Variants in LCORL observed in about 807,000 individuals in gnomAD.
LCORL encodes the protein ligand dependent nuclear receptor corepressor like.
Under a neutral mutation model 141.8 loss-of-function variants are expected in LCORL, and 41 were observed. That is an observed-to-expected ratio of 0.29 (90% CI 0.23 to 0.38). The LOEUF (loss-of-function observed/expected upper bound fraction) is 0.38. LCORL is among the 10% of genes least tolerant of loss of function. LCORL has a pLI of 1.00. For missense variants in LCORL, 1,759 were observed against 2,035.0 expected, an observed-to-expected ratio of 0.86 and a Z score of 2.61; for synonymous variants, 618 against 694.1, an observed-to-expected ratio of 0.89 and a Z score of 1.72.
chr4:17,998,956 C>A (rs1414005947), intron 1 of LCORL, among the ~76,000 whole-genome samples: 2 of 91,926 alleles, frequency 2.2e-5, no homozygotes, highest in African/African-American at 9.3e-5. Context: ...CAGAGTGAGA[C>A]CCTGTCTCAA....
chr4:17,981,178 G>A (rs1035792107), intron 1 of LCORL, among the ~76,000 whole-genome samples: 5 of 151,956 alleles, frequency 3.3e-5, no homozygotes, highest in African/African-American at 1.2e-4. Context: ...TTTCATAAAC[G>A]GCTTATCCTG....
chr4:18,021,549 A>C lies in LCORL; in HGVS notation c.154+49T>G. The C allele has an allele frequency of 1.3e-6, 2 of 1,481,594 alleles. No individual in the cohort carries two copies. Among genetic ancestry groups the C allele is most frequent in the East Asian group, 2.8e-5 (1 of 35,906 alleles). The allele number at this position is 1,481,594 out of a possible 1,614,324, so 91.8% of individuals were successfully genotyped here. ...TCAGCCACAAACTCCTCGGGCTGCG[A>C]CAGCGGTCGCCGCGCGGAGCCCGGG... On this transcript the variant is annotated intron_variant, in intron 1 of 7. Coordinates refer to ENST00000635767, the Ensembl canonical transcript of LCORL. The surrounding 1 kb of genome is among the most constrained non-coding windows in gnomAD (Gnocchi z 5.5).
chr4:17,934,170 T>C (rs1736480253), intron 4 of LCORL, among the ~76,000 whole-genome samples: 1 of 152,026 alleles, frequency 6.6e-6, no homozygotes, highest in Non-Finnish European at 1.5e-5. Flanking sequence ...ATTTGGCAAA[T>C]CCACAAAACT....
At chr4:17,941,815 AGATTATTTGGAATGCT>A (rs1738016385) in intron 4 of LCORL, among the ~76,000 whole-genome samples, 1 of 151,846 alleles carries the variant, frequency 6.6e-6, no homozygotes, top group Non-Finnish European at 1.5e-5. Context: ...ATTTGACCAG[AGATTATTTGGAATGCT>A]GAATCATTTC....
chr4:17,957,599 T>A (rs528131272), intron 4 of LCORL, among the ~76,000 whole-genome samples: 22 of 151,958 alleles, frequency 1.4e-4, no homozygotes, highest in Non-Finnish European at 3.1e-4. Context: ...TTTAATTCCT[T>A]CTATGGATGG....
At chr4:17,933,339 A>G (rs1357852617) in intron 4 of LCORL, among the ~76,000 whole-genome samples, 2 of 152,062 alleles carry the variant, frequency 1.3e-5, no homozygotes, top group African/African-American at 4.8e-5. Flanking sequence ...TTGTTGTTCA[A>G]GCACTGTTCT....
intron 4 of LCORL, among the ~76,000 whole-genome samples, chr4:17,909,897 T>A (rs919678717): frequency 6.6e-6 from 1 of 152,134 alleles, no homozygotes; most frequent in Non-Finnish European, 1.5e-5. Flanking sequence ...AAATAAAAAA[T>A]GAAAGAATAG....
chr4:17,914,418 G>T lies in LCORL; in HGVS notation c.431-5073C>A, dbSNP rs57290961. Among the ~76,000 whole-genome samples, 396 of 152,256 alleles carry T rather than the reference G, an allele frequency of 2.6e-3. 3 individuals carry two copies. Among genetic ancestry groups the T allele is most frequent in the African/African-American group, 8.9e-3 (369 of 41,548 alleles). On this transcript the variant is annotated intron_variant, in intron 4 of 7. Coordinates refer to ENST00000635767, the Ensembl canonical transcript of LCORL. ...GTGACTAGGGCTATACTTTAGGATT[G>T]AATTTACAGCAAAGTTTAAAGCACA...
At chr4:17,843,279 G>A (rs747665895) in exon 8 of LCORL, 38 of 1,595,402 alleles carry the variant, frequency 2.4e-5, no homozygotes, top group African/African-American at 6.8e-5. Context: ...ATCTAAATTC[G>A]TGTATTTTCA....
intron 5 of LCORL, among the ~76,000 whole-genome samples, chr4:17,895,832 A>C (rs1199183033): frequency 2.0e-5 from 3 of 152,180 alleles, no homozygotes; most frequent in Non-Finnish European, 4.4e-5. Context: ...GCTTTTACTT[A>C]GCACAATGTT....
intron 7 of LCORL, among the ~76,000 whole-genome samples, chr4:17,867,422 G>A (rs1048230599): frequency 6.6e-6 from 1 of 152,124 alleles, no homozygotes; most frequent in Non-Finnish European, 1.5e-5. Flanking sequence ...CACAAAAATA[G>A]CAATAGGCAA....
intron 4 of LCORL, among the ~76,000 whole-genome samples, chr4:17,947,197 C>T (rs1259687569): frequency 6.6e-6 from 1 of 151,906 alleles, no homozygotes; most frequent in Non-Finnish European, 1.5e-5. Context: ...CAATGGGATA[C>T]TATTCAGCCT....
At chr4:17,917,208 GTTTTT>G (rs1273158212) in intron 4 of LCORL, among the ~76,000 whole-genome samples, 9 of 148,658 alleles carry the variant, frequency 6.1e-5, no homozygotes, top group Non-Finnish European at 1.2e-4. Flanking sequence ...GTTTTGTTTT[GTTTTT>G]TTTTGAGAAG....
At chr4:17,972,956 C>T in intron 1 of LCORL, 71 bp from the exon 2 acceptor site, 1 of 655,130 alleles carries the variant, frequency 1.5e-6, no homozygotes, top group Non-Finnish European at 2.4e-6. Flanking sequence ...AAGTCATAAA[C>T]TCTGTATCAA....
At chr4:17,953,291 TTC>T (rs1298416310) in intron 4 of LCORL, among the ~76,000 whole-genome samples, 1 of 152,198 alleles carries the variant, frequency 6.6e-6, no homozygotes, top group Non-Finnish European at 1.5e-5. Context: ...TGAATGGTAG[TTC>T]TGTTTTTAGC....
chr4:17,985,830 CTTGT>C (rs777893786), intron 1 of LCORL, among the ~76,000 whole-genome samples: 1 of 152,084 alleles, frequency 6.6e-6, no homozygotes, highest in Non-Finnish European at 1.5e-5. Context: ...ATTATGCTGG[CTTGT>C]TTGTGTGGTT....
chr4:17,901,216 C>G (rs1354925420), intron 5 of LCORL, among the ~76,000 whole-genome samples: 2 of 151,048 alleles, frequency 1.3e-5, no homozygotes, highest in Non-Finnish European at 2.9e-5. Context: ...TGCAGAATAC[C>G]ATAAACAAAA....
chr4:17,905,898 A>G (rs574496481), intron 5 of LCORL, among the ~76,000 whole-genome samples: 106 of 152,196 alleles, frequency 7.0e-4, no homozygotes, highest in Non-Finnish European at 1.2e-3. Context: ...TTCATTGACT[A>G]TACTATGAAG....
At chr4:17,895,020 T>C (rs183764944) in intron 5 of LCORL, among the ~76,000 whole-genome samples, 96 of 149,208 alleles carry the variant, frequency 6.4e-4, no homozygotes, top group Admixed American at 1.1e-3. Flanking sequence ...TATATATATA[T>C]GTTTATATAT....
Sources: allele counts gnomAD v4.1 joint callset (sites outside exome capture counted in the v4.1 genomes callset), GRCh38; gene constraint gnomAD v4.1.1; non-coding constraint Gnocchi (gnomAD v3.1); transcripts MANE v1.5; gene names NCBI Gene and HGNC (gene_info 2026-07-23, HGNC 2026-07-21).